The following PLEKHG1 variants were observed in gnomAD, a reference collection of about 807,000 sequenced individuals.
PLEKHG1 encodes pleckstrin homology and RhoGEF domain containing G1, also known as pleckstrin homology domain-containing family G member 1.
PLEKHG1 carries 44 observed loss-of-function variants against 100.8 expected under a neutral mutation model. The ratio of observed to expected loss-of-function variants is 0.44; its 90% CI spans 0.34 to 0.56. The LOEUF (loss-of-function observed/expected upper bound fraction) is 0.56, where lower values mean the gene tolerates loss of function less well. PLEKHG1 is among the 20% of genes least tolerant of loss of function. The pLI, the probability that PLEKHG1 is intolerant of heterozygous loss-of-function variation, is 0.01. For synonymous variants in PLEKHG1, 640 were observed against 662.5 expected (o/e 0.97, Z 0.52); for missense variants, 1,545 against 1,720.9 (o/e 0.90, Z 1.81).
chr6:150,707,227 C>T (rs1247923058), intron 3 of PLEKHG1, among the ~76,000 whole-genome samples: 1 of 151,922 alleles, frequency 6.6e-6, no homozygotes. Flanking sequence ...TGGTCTTGAA[C>T]TCCTGACCTC....
At chr6:150,788,722 C>T (rs1166568204) in intron 4 of PLEKHG1, among the ~76,000 whole-genome samples, 1 of 152,188 alleles carries the variant, frequency 6.6e-6, no homozygotes, top group Non-Finnish European at 1.5e-5. Context: ...GCAAGGCTGA[C>T]CCAGGGCAAC....
In PLEKHG1 at chr6:150,629,308, C is replaced by T. The variant is rs188020520; in HGVS notation, c.-203-8772C>T. Among the ~76,000 whole-genome samples the T allele has an allele frequency of 1.1e-3, 166 of 152,262 alleles. 1 individual carries two copies. Among genetic ancestry groups the T allele is most frequent in the Admixed American group, 4.8e-3 (73 of 15,302 alleles). On this transcript the variant is annotated intron_variant, in intron 1 of 3. Coordinates refer to the PLEKHG1 transcript ENST00000367326. ...GACACCAGATTCTACATTGCGGCAA[C>T]ATTTAAACCTAAAGCCTCAACACTA... is the stretch of plus-strand genomic sequence containing the variant.
At position 150,742,263 on chromosome 6, in the gene PLEKHG1, C is replaced by A. The variant is rs145396452; in HGVS notation, c.411+8171C>A. 6.4e-4 allele frequency among the ~76,000 whole-genome samples: 98 copies of A among 152,264 alleles called. No individual in the cohort carries two copies. In the East Asian group the frequency reaches 0.018, roughly 28 times the overall value. The stretch of plus-strand genomic sequence containing the variant: ...GAAGGCGAACAGGGAGTAGGCATGA[C>A]ACATGTCAGGAGAGAACGTGGTGGC... On this transcript the variant is annotated intron_variant, in intron 2 of 15. Coordinates refer to ENST00000358517, the Ensembl canonical transcript of PLEKHG1.
At chr6:150,719,525 G>A (rs891845616), upstream of PLEKHG1, among the ~76,000 whole-genome samples, 3 of 152,190 alleles carry the variant, frequency 2.0e-5, no homozygotes, top group African/African-American at 7.2e-5. Context: ...GAGACACTTA[G>A]AAAACGATTA....
chr6:150,660,417 G>A (rs1779140360), intron 3 of PLEKHG1, among the ~76,000 whole-genome samples: 1 of 152,146 alleles, frequency 6.6e-6, no homozygotes, highest in African/African-American at 2.4e-5. Flanking sequence ...TCTTCCAGGT[G>A]TAAATTTTTC....
chr6:150,698,142 C>A (rs1552889), intron 3 of PLEKHG1, among the ~76,000 whole-genome samples: 137,352 of 152,192 alleles, frequency 0.9, 62,160 homozygotes, highest in Non-Finnish European at 0.94. Context: ...CCAAGTCTAA[C>A]CATGAAATTC....
intron 1 of PLEKHG1, among the ~76,000 whole-genome samples, chr6:150,635,814 A>G (rs1222337599): frequency 6.6e-6 from 1 of 152,206 alleles, no homozygotes; most frequent in Non-Finnish European, 1.5e-5. Flanking sequence ...GAAACCTGAT[A>G]GAATTGCAGT....
At chr6:150,778,589 C>A (rs1583110350) in intron 3 of PLEKHG1, among the ~76,000 whole-genome samples, 2 of 152,166 alleles carry the variant, frequency 1.3e-5, no homozygotes, top group African/African-American at 2.4e-5. Context: ...TCACATAATA[C>A]AATGTGATAT....
intron 1 of PLEKHG1, among the ~76,000 whole-genome samples, chr6:150,615,006 C>A (rs1331456237): frequency 3.3e-5 from 5 of 152,130 alleles, no homozygotes; most frequent in Non-Finnish European, 7.4e-5. Flanking sequence ...AATGAATGAC[C>A]GAATTACCCT....
intron 2 of PLEKHG1, among the ~76,000 whole-genome samples, chr6:150,750,065 C>G (rs946993038): frequency 5.6e-5 from 7 of 124,502 alleles, no homozygotes; most frequent in Non-Finnish European, 9.4e-5. Context: ...GAGCAAGACT[C>G]TGTCTCAAAA....
intron 4 of PLEKHG1, among the ~76,000 whole-genome samples, chr6:150,793,530 T>A (rs920347597): frequency 2.0e-5 from 3 of 152,180 alleles, no homozygotes; most frequent in Non-Finnish European, 1.5e-5. Flanking sequence ...AAAGAAGGAA[T>A]AAAGTATTAG....
rs71690247 is a variant in PLEKHG1 at position 150,703,600 on chromosome 6, T to TA, written c.-98-29970dup. Among the ~76,000 whole-genome samples, 659 of 128,792 alleles carry TA rather than the reference T, an allele frequency of 5.1e-3. 6 individuals are homozygous for TA. Among genetic ancestry groups the TA allele is most frequent in the South Asian group, 0.03 (118 of 3,970 alleles). 84.5% of individuals were successfully genotyped at this position (128,792 alleles called of 152,430 possible). ...TGGGCGACAGAGCAAGACTCCATCT[T>TA]AAAAAAAAAAAAAACAAAACAACTT... On this transcript the variant is annotated intron_variant, in intron 3 of 3. Coordinates refer to the PLEKHG1 transcript ENST00000367326.
intron 2 of PLEKHG1, among the ~76,000 whole-genome samples, chr6:150,736,402 C>T (rs369885962): frequency 4.6e-5 from 7 of 152,322 alleles, no homozygotes; most frequent in Middle Eastern, 3.4e-3. Flanking sequence ...TCACTATTGC[C>T]AGCCTTCTCT....
Position 150,830,605 on chromosome 6 carries a change from C to G in PLEKHG1, c.1494C>G (p.Pro498=), listed in dbSNP as rs775921002. ...AGGTTTCTAGAGAGGAAGGATCTCC[C>G]CAGCTGTCTTCAGCAAGGCCGTCTC... Residue 498 remains proline, a synonymous_variant, in exon 15 of 16, where the codon CCC becomes CCG. Coordinates refer to ENST00000358517, the Ensembl canonical transcript of PLEKHG1. 2.5e-6 allele frequency: 4 copies of G among 1,603,500 alleles called. No individual in the cohort carries two copies. In the South Asian group the frequency reaches 3.3e-5, roughly 13 times the overall value.
chr6:150,603,800 T>A (rs1039901854), intron 1 of PLEKHG1, among the ~76,000 whole-genome samples: 1 of 152,256 alleles, frequency 6.6e-6, no homozygotes, highest in Non-Finnish European at 1.5e-5. Flanking sequence ...TAAATCCTGC[T>A]GGATTCGTGG....
At chr6:150,747,895 T>C (rs1363441054) in intron 2 of PLEKHG1, among the ~76,000 whole-genome samples, 4 of 146,096 alleles carry the variant, frequency 2.7e-5, no homozygotes, top group Non-Finnish European at 6.0e-5. Flanking sequence ...AAACTCCGTC[T>C]CAAAAAAAAA....
chr6:150,806,610 C>G (rs1218945181), intron 7 of PLEKHG1, among the ~76,000 whole-genome samples: 1 of 150,824 alleles, frequency 6.6e-6, no homozygotes, highest in Non-Finnish European at 1.5e-5. Context: ...TGCTTGAACC[C>G]GGGAGGTGGA....
At chr6:150,715,684 T>C (rs538779510) in intron 3 of PLEKHG1, among the ~76,000 whole-genome samples, 3 of 150,872 alleles carry the variant, frequency 2.0e-5, no homozygotes, top group African/African-American at 2.4e-5. Context: ...GAGACAGGGT[T>C]TTGCCATGTA....
chr6:150,698,355 C>T (rs1445181123), intron 3 of PLEKHG1, among the ~76,000 whole-genome samples: 8 of 152,108 alleles, frequency 5.3e-5, no homozygotes, highest in East Asian at 1.9e-4. Context: ...GGATTAGGGA[C>T]GCTCAAGCGG....
Sources: allele counts gnomAD v4.1 joint callset (sites outside exome capture counted in the v4.1 genomes callset), GRCh38; gene constraint gnomAD v4.1.1; transcripts MANE v1.5; gene names NCBI Gene and HGNC (gene_info 2026-07-23, HGNC 2026-07-21).